The following EYS variants were observed in gnomAD, a reference collection of about 807,000 sequenced individuals.
EYS encodes the protein EGF-like photoreceptor maintenance factor.
In EYS, 250 loss-of-function variants were observed where a neutral mutation model predicts 282.1. The observed-to-expected ratio is 0.89, with a 90% confidence interval of 0.80 to 0.98. The LOEUF is 0.98. Ranked by LOEUF, EYS falls within the 50% of genes least tolerant of loss-of-function variation. The pLI is 0.00. For missense variants in EYS, 4,016 were observed against 3,709.0 expected, an observed-to-expected ratio of 1.08 and a Z score of -2.15; for synonymous variants, 1,355 against 1,282.9, an observed-to-expected ratio of 1.06 and a Z score of -1.20.
chr6:64,057,972 T>C (rs974871886), intron 33 of EYS, among the ~76,000 whole-genome samples: 33 of 152,078 alleles, frequency 2.2e-4, no homozygotes, highest in African/African-American at 7.5e-4. Context: ...GCTGAGATTA[T>C]AGGCATACAC....
chr6:64,745,035 C>T (rs933948479), intron 22 of EYS, among the ~76,000 whole-genome samples: 3 of 152,180 alleles, frequency 2.0e-5, no homozygotes, highest in Non-Finnish European at 4.4e-5. Context: ...GTGTGTCATG[C>T]ACCCTACAGC....
intron 35 of EYS, among the ~76,000 whole-genome samples, chr6:63,923,460 TG>T (rs1764628641): frequency 6.6e-6 from 1 of 152,200 alleles, no homozygotes; most frequent in Non-Finnish European, 1.5e-5. Flanking sequence ...TTTTTAAAGA[TG>T]CTAATTAGAA....
intron 5 of EYS, among the ~76,000 whole-genome samples, chr6:65,484,886 T>C (rs1765733209): frequency 6.6e-6 from 1 of 152,210 alleles, no homozygotes; most frequent in African/African-American, 2.4e-5. Flanking sequence ...TTTATTGATA[T>C]AGTGAAATCC....
chr6:65,305,764 G>A (rs1768987645), intron 11 of EYS, among the ~76,000 whole-genome samples: 1 of 152,124 alleles, frequency 6.6e-6, no homozygotes, highest in African/African-American at 2.4e-5. Context: ...CTCCTTGCTG[G>A]CATTGAATTA....
At chr6:63,897,952 A>G (rs940291826) in intron 35 of EYS, among the ~76,000 whole-genome samples, 1 of 152,198 alleles carries the variant, frequency 6.6e-6, no homozygotes, top group Non-Finnish European at 1.5e-5. Context: ...CTGGAAGCAG[A>G]GACATTAATA....
intron 22 of EYS, among the ~76,000 whole-genome samples, chr6:64,808,616 G>T (rs1764506415): frequency 6.6e-6 from 1 of 151,666 alleles, no homozygotes; most frequent in Non-Finnish European, 1.5e-5. Context: ...TCTAATCTGG[G>T]TTTCTTGGTA....
At chr6:64,815,266 C>G (rs1403081243) in intron 21 of EYS, 3 of 453,306 alleles carry the variant, frequency 6.6e-6, no homozygotes, top group African/African-American at 2.0e-5. Flanking sequence ...ACATAGTAGA[C>G]TATCCTGTAG....
At chr6:65,706,248 A>G (rs1769874125) in intron 1 of EYS, among the ~76,000 whole-genome samples, 1 of 151,874 alleles carries the variant, frequency 6.6e-6, no homozygotes, top group Non-Finnish European at 1.5e-5. Context: ...ATATTATGCA[A>G]TTAACTTTGA....
At chr6:65,053,277 A>C (rs1417923538) in intron 13 of EYS, among the ~76,000 whole-genome samples, 2 of 151,852 alleles carry the variant, frequency 1.3e-5, no homozygotes, top group Admixed American at 6.6e-5. Context: ...AAATTCTCAG[A>C]AAAACACTCA....
At chr6:65,186,980 C>G (rs1351263944) in intron 12 of EYS, among the ~76,000 whole-genome samples, 1 of 151,696 alleles carries the variant, frequency 6.6e-6, no homozygotes, top group Non-Finnish European at 1.5e-5. Context: ...AAAGTAACAG[C>G]GTTCACTATT....
intron 19 of EYS, among the ~76,000 whole-genome samples, chr6:64,835,696 A>C (rs975320716): frequency 6.6e-6 from 1 of 151,602 alleles, no homozygotes; most frequent in Non-Finnish European, 1.5e-5. Flanking sequence ...GGGTTAATAG[A>C]TCTGGGTTTC....
At chr6:64,408,924 G>A (rs927059137) in intron 28 of EYS, among the ~76,000 whole-genome samples, 2 of 152,120 alleles carry the variant, frequency 1.3e-5, no homozygotes, top group African/African-American at 4.8e-5. Context: ...CCAATAGGAA[G>A]ATTTTCATTC....
At chr6:65,312,821 A>G (rs1416825683) in intron 11 of EYS, among the ~76,000 whole-genome samples, 2 of 152,120 alleles carry the variant, frequency 1.3e-5, no homozygotes, top group Non-Finnish European at 2.9e-5. Context: ...ACTGGGAGAT[A>G]CCTAGTTCAA....
intron 26 of EYS, among the ~76,000 whole-genome samples, chr6:64,476,274 A>G (rs1001230270): frequency 5.9e-5 from 9 of 152,188 alleles, no homozygotes; most frequent in Admixed American, 5.9e-4. Context: ...TTTATATTGC[A>G]TGCTTCTATA....
At chr6:65,367,762 CATTTCTTACTCTATAGCTAATAT>C (rs1764969860) in intron 8 of EYS, among the ~76,000 whole-genome samples, 1 of 151,684 alleles carries the variant, frequency 6.6e-6, no homozygotes, top group Non-Finnish European at 1.5e-5. Flanking sequence ...CTCCCTTAAA[CATTTCTTACTCTATAGCTAATAT>C]CAATTATTAT....
chr6:65,240,746 C>T (rs1414827663), intron 12 of EYS, among the ~76,000 whole-genome samples: 1 of 152,136 alleles, frequency 6.6e-6, no homozygotes, highest in African/African-American at 2.4e-5. Context: ...AATGAACATA[C>T]AATTGCATGT....
At chr6:64,793,007 GC>G (rs1225666648) in intron 22 of EYS, among the ~76,000 whole-genome samples, 1 of 151,972 alleles carries the variant, frequency 6.6e-6, no homozygotes, top group Admixed American at 6.6e-5. Flanking sequence ...TAATTTTTAT[GC>G]ATATTTCAAA....
At chr6:63,863,488 T>A (rs754240948) in intron 36 of EYS, among the ~76,000 whole-genome samples, 4 of 152,140 alleles carry the variant, frequency 2.6e-5, no homozygotes, top group Non-Finnish European at 5.9e-5. Context: ...GTTAATATTG[T>A]ACTCTCGGTT....
intron 33 of EYS, among the ~76,000 whole-genome samples, chr6:64,043,038 A>T (rs960039218): frequency 6.6e-6 from 1 of 152,188 alleles, no homozygotes; most frequent in Non-Finnish European, 1.5e-5. Flanking sequence ...AGGAGACGAT[A>T]GTAGTATTTT....
Sources: gnomAD v4.1 joint callset for allele counts (sites outside exome capture counted in the v4.1 genomes callset) on GRCh38, gnomAD v4.1.1 for gene constraint, MANE v1.5 for transcripts, NCBI Gene and HGNC (gene_info 2026-07-23, HGNC 2026-07-21) for gene names.